The following DLGAP2 variants were observed in gnomAD, a reference collection of about 807,000 sequenced individuals.
DLGAP2 encodes the protein disks large-associated protein 2.
DLGAP2 carries 26 observed loss-of-function variants against 100.3 expected under a neutral mutation model. That is an observed-to-expected ratio of 0.26 (90% CI 0.19 to 0.36). DLGAP2 has a LOEUF of 0.36. Among genes scored for constraint, DLGAP2 ranks in the 10% least tolerant of loss-of-function variants. The pLI is 1.00. For missense variants in DLGAP2, 1,858 were observed against 1,453.2 expected (o/e 1.28, Z -4.53); for synonymous variants, 886 against 630.1 (o/e 1.41, Z -6.08).
At chr8:1,538,306 T>C (rs890233099) in intron 4 of DLGAP2, among the ~76,000 whole-genome samples, 2 of 152,212 alleles carry the variant, frequency 1.3e-5, no homozygotes, top group Admixed American at 1.3e-4. Flanking sequence ...TCACCTGCAG[T>C]ACTCCCTTGA....
At chr8:955,579 A>G (rs1471197598) in intron 2 of DLGAP2, among the ~76,000 whole-genome samples, 1 of 152,066 alleles carries the variant, frequency 6.6e-6, no homozygotes, top group Non-Finnish European at 1.5e-5. Flanking sequence ...CTGCACACGG[A>G]TGTTACTCAT....
At chr8:957,273 T>G (rs993990005) in intron 2 of DLGAP2, among the ~76,000 whole-genome samples, 2 of 152,196 alleles carry the variant, frequency 1.3e-5, no homozygotes, top group African/African-American at 4.8e-5. Flanking sequence ...CCTCCTGTCT[T>G]CCCCATGGCA....
intron 2 of DLGAP2, among the ~76,000 whole-genome samples, chr8:1,027,531 C>T (rs1401412340): frequency 7.0e-6 from 1 of 143,196 alleles, no homozygotes; most frequent in African/African-American, 2.6e-5. Flanking sequence ...AGGTAGGGTG[C>T]TCGGTGCCCA....
intron 2 of DLGAP2, among the ~76,000 whole-genome samples, chr8:1,238,397 G>A (rs1287880839): frequency 2.8e-5 from 2 of 70,330 alleles, no homozygotes; most frequent in Non-Finnish European, 5.7e-5. Flanking sequence ...TCTCTCACAT[G>A]GCGCCATGTC....
intron 6 of DLGAP2, among the ~76,000 whole-genome samples, chr8:1,592,363 C>G (rs1450921688): frequency 2.0e-5 from 3 of 152,122 alleles, no homozygotes; most frequent in Non-Finnish European, 4.4e-5. Flanking sequence ...TTATCCCTTT[C>G]TAACATCTTT....
chr8:913,816 G>A (rs1181449349), intron 2 of DLGAP2, among the ~76,000 whole-genome samples: 1 of 152,230 alleles, frequency 6.6e-6, no homozygotes, highest in East Asian at 1.9e-4. Flanking sequence ...ATCCACATGT[G>A]ACTTTCCGGT....
chr8:1,475,974 G>C (rs1037540668), intron 3 of DLGAP2, among the ~76,000 whole-genome samples: 20 of 152,130 alleles, frequency 1.3e-4, no homozygotes, highest in African/African-American at 4.8e-4. Flanking sequence ...CTCTTCTCAA[G>C]TTTAATTTTG....
chr8:1,007,939 C>T (rs894208171), intron 2 of DLGAP2, among the ~76,000 whole-genome samples: 8 of 152,134 alleles, frequency 5.3e-5, no homozygotes, highest in Non-Finnish European at 1.2e-4. Flanking sequence ...GCGCCCGGTC[C>T]GTCTCGCTGG....
chr8:794,676 T>C lies in DLGAP2; in HGVS notation c.18+56851T>C, dbSNP rs138867554. ...AACCCACAACCTTCCAGCTTGGGCA[T>C]TAGGGCCATTATGAATATGTTACAG... On this transcript the variant is annotated intron_variant, in intron 1 of 14. Coordinates refer to ENST00000637795, the MANE Select transcript of DLGAP2 (RefSeq NM_001346810.2). 1.9e-3 allele frequency among the ~76,000 whole-genome samples: 292 copies of C among 152,330 alleles called. 3 individuals are homozygous for C. Among genetic ancestry groups the C allele is most frequent in the African/African-American group, 6.8e-3 (284 of 41,588 alleles).
intron 2 of DLGAP2, among the ~76,000 whole-genome samples, chr8:1,013,037 C>G (rs1053321511): frequency 1.3e-5 from 2 of 152,176 alleles, no homozygotes; most frequent in Admixed American, 6.5e-5. Context: ...CTTCCTGCAG[C>G]TCACAGATGC....
chr8:1,333,255 G>T (rs1185205111), intron 3 of DLGAP2, among the ~76,000 whole-genome samples: 1 of 152,106 alleles, frequency 6.6e-6, no homozygotes, highest in Non-Finnish European at 1.5e-5. Context: ...GGGGAGCAGA[G>T]CCCATGGTAG....
chr8:805,987 C>T (rs1796261315), intron 1 of DLGAP2, among the ~76,000 whole-genome samples: 1 of 152,202 alleles, frequency 6.6e-6, no homozygotes, highest in Non-Finnish European at 1.5e-5. Context: ...TCCCATCTAG[C>T]CCTTCCGTTT....
At chr8:1,202,771 C>A (rs1044813113) in intron 2 of DLGAP2, among the ~76,000 whole-genome samples, 1 of 152,192 alleles carries the variant, frequency 6.6e-6, no homozygotes, top group African/African-American at 2.4e-5. Flanking sequence ...CAGGCATTCA[C>A]CTTGAATCCA....
At chr8:1,289,469 C>T (rs1214022775) in intron 3 of DLGAP2, among the ~76,000 whole-genome samples, 3 of 152,168 alleles carry the variant, frequency 2.0e-5, no homozygotes, top group Non-Finnish European at 4.4e-5. Flanking sequence ...TTTTAAGCCC[C>T]TCTGCACACT....
At chr8:1,017,935 G>A (rs977498053) in intron 2 of DLGAP2, among the ~76,000 whole-genome samples, 5 of 152,232 alleles carry the variant, frequency 3.3e-5, no homozygotes, top group Non-Finnish European at 5.9e-5. Flanking sequence ...CTATGGCTTT[G>A]TAGTGCTTGG....
intron 3 of DLGAP2, among the ~76,000 whole-genome samples, chr8:1,457,796 T>A (rs1287036720): frequency 6.6e-6 from 1 of 151,614 alleles, no homozygotes; most frequent in Non-Finnish European, 1.5e-5. Context: ...CCAGGATGCC[T>A]CAGTGATGGC....
intron 2 of DLGAP2, among the ~76,000 whole-genome samples, chr8:1,026,187 C>G (rs574306012): frequency 2.0e-5 from 3 of 152,164 alleles, no homozygotes; most frequent in Non-Finnish European, 2.9e-5. Flanking sequence ...GTCACCTCAT[C>G]CAGGACGTGC....
intron 2 of DLGAP2, among the ~76,000 whole-genome samples, chr8:1,227,173 T>TATATATATATATAG (rs1249587276): frequency 7.4e-6 from 1 of 134,372 alleles, no homozygotes; most frequent in Non-Finnish European, 1.5e-5. Context: ...TATATATATA[T>TATATATATATATAG]AGTATAGATA....
At chr8:1,422,561 T>TAAAAA (rs372845289) in intron 3 of DLGAP2, among the ~76,000 whole-genome samples, 61 of 136,372 alleles carry the variant, frequency 4.5e-4, no homozygotes, top group African/African-American at 1.7e-3. Flanking sequence ...TCTTTGACAT[T>TAAAAA]AAAAAAAAAA....
Sources: gnomAD v4.1 joint callset for allele counts (sites outside exome capture counted in the v4.1 genomes callset) on GRCh38, gnomAD v4.1.1 for gene constraint, MANE v1.5 for transcripts, NCBI Gene and HGNC (gene_info 2026-07-23, HGNC 2026-07-21) for gene names.